The following PDE8A variants were observed in gnomAD, a reference collection of about 807,000 sequenced individuals.
The protein encoded by PDE8A is high affinity cAMP-specific and IBMX-insensitive 3',5'-cyclic phosphodiesterase 8A.
PDE8A carries 59 observed loss-of-function variants against 105.0 expected under a neutral mutation model. The ratio of observed to expected loss-of-function variants is 0.56; its 90% CI spans 0.46 to 0.70. The LOEUF is 0.70. PDE8A is among the 30% of genes least tolerant of loss of function. The probability of loss-of-function intolerance (pLI) is 0.00; values close to 1 mark genes in which losing one functional copy is unlikely to be tolerated. For missense variants in PDE8A, 1,014 were observed against 1,045.9 expected, an observed-to-expected ratio of 0.97 and a Z score of 0.42; for synonymous variants, 355 against 371.9, an observed-to-expected ratio of 0.95 and a Z score of 0.52.
rs908165571 is a variant in PDE8A at position 84,982,156 on chromosome 15, C to A, written c.-7C>A. 6 of 1,351,612 alleles carry A rather than the reference C, an allele frequency of 4.4e-6. No homozygotes were observed. The African/African-American group carries it at 7.6e-5, about 17-fold the overall frequency. The allele number at this position is 1,351,612 out of a possible 1,614,324, so 83.7% of individuals were successfully genotyped here. A position where few individuals can be genotyped will look rare whatever the true frequency, so the allele number is the denominator to read the frequency against. ...CCCGCCAGCGTGTCCGCGGCGCCGC[C>A]GCCAGCATGGGCTGTGCCCCGAGCA... On this transcript the variant is annotated 5_prime_UTR_variant, in exon 1 of 22. Coordinates refer to ENST00000394553, the MANE Select transcript of PDE8A (RefSeq NM_002605.3).
intron 1 of PDE8A, among the ~76,000 whole-genome samples, chr15:85,004,925 A>G (rs2142187781): frequency 6.7e-6 from 1 of 148,330 alleles, no homozygotes; most frequent in East Asian, 2.0e-4. Context: ...AGAATACATT[A>G]TGACATTTTA....
chr15:85,051,701 A>G (rs754158920), intron 1 of PDE8A, among the ~76,000 whole-genome samples: 1 of 152,132 alleles, frequency 6.6e-6, no homozygotes, highest in Non-Finnish European at 1.5e-5. Flanking sequence ...TCCTGCTTAG[A>G]GAACACACAG....
chr15:85,079,477 G>A (rs16974793), intron 5 of PDE8A, among the ~76,000 whole-genome samples: 13,109 of 152,228 alleles, frequency 0.086, 1,573 homozygotes, highest in African/African-American at 0.27. Context: ...GAGGGTAACC[G>A]CTGATAGAAC....
chr15:85,135,950 C>T (rs2082402490), intron 20 of PDE8A, among the ~76,000 whole-genome samples: 2 of 152,086 alleles, frequency 1.3e-5, no homozygotes, highest in African/African-American at 4.8e-5. Context: ...AGCCACTAGG[C>T]CCTTCCTTGT....
intron 1 of PDE8A, among the ~76,000 whole-genome samples, chr15:85,006,281 TAAAAG>T (rs1019747333): frequency 6.6e-6 from 1 of 152,038 alleles, no homozygotes; most frequent in South Asian, 2.1e-4. Context: ...ATAATAATAA[TAAAAG>T]AAAGTATTCT....
chr15:85,133,173 T>C (rs2082353296), intron 20 of PDE8A, among the ~76,000 whole-genome samples: 1 of 152,146 alleles, frequency 6.6e-6, no homozygotes, highest in African/African-American at 2.4e-5. Flanking sequence ...CACAGCTGCT[T>C]TCAGATGTCT....
chr15:85,066,791 T>A (rs191820011), intron 2 of PDE8A, among the ~76,000 whole-genome samples: 1 of 152,032 alleles, frequency 6.6e-6, no homozygotes, highest in East Asian at 1.9e-4. Context: ...ATACAAAAAT[T>A]AGCTGGGCAT....
In PDE8A at chr15:85,126,034, G is replaced by A. The variant is rs1408152589; in HGVS notation, c.2086-173G>A. On this transcript the variant is annotated intron_variant, in intron 19 of 21. Transcript: ENST00000394553. ...TCTCACTGAGCCTCGGTTTTCTCCT[G>A]GGTAAAATGAGAGGCCAAGCTCAAT... Among the ~76,000 whole-genome samples, 3 of 152,190 alleles carry A rather than the reference G, an allele frequency of 2.0e-5. No individual in the cohort carries two copies. The East Asian group carries it at 5.8e-4, about 29-fold the overall frequency.
At chr15:85,058,302 G>A (rs111554766) in intron 1 of PDE8A, among the ~76,000 whole-genome samples, 5 of 151,996 alleles carry the variant, frequency 3.3e-5, no homozygotes, top group Non-Finnish European at 5.9e-5. Flanking sequence ...GCCTAGGCTT[G>A]TCTTGACTCC....
intron 1 of PDE8A, among the ~76,000 whole-genome samples, chr15:85,025,319 C>A (rs1198356961): frequency 6.6e-6 from 1 of 152,076 alleles, no homozygotes; most frequent in African/African-American, 2.4e-5. Context: ...TCTTGAGGTG[C>A]TTGAAGAGCT....
intron 1 of PDE8A, among the ~76,000 whole-genome samples, chr15:85,056,303 C>T (rs1041906496): frequency 9.9e-5 from 15 of 152,040 alleles, no homozygotes; most frequent in Non-Finnish European, 1.3e-4. Context: ...TTGCTCTTCT[C>T]GAGGAGTATC....
chr15:84,994,032 G>A (rs1489215107), intron 1 of PDE8A, among the ~76,000 whole-genome samples: 5 of 152,102 alleles, frequency 3.3e-5, no homozygotes, highest in Admixed American at 2.6e-4. Flanking sequence ...AGATTGAGAC[G>A]CATCTTGATC....
chr15:85,028,903 CA>C (rs1357866922), intron 1 of PDE8A, among the ~76,000 whole-genome samples: 1 of 152,084 alleles, frequency 6.6e-6, no homozygotes, highest in Non-Finnish European at 1.5e-5. Flanking sequence ...CAGCATATTT[CA>C]TTGCATATGT....
chr15:85,047,828 C>T (rs763386821), intron 1 of PDE8A, among the ~76,000 whole-genome samples: 4 of 152,154 alleles, frequency 2.6e-5, no homozygotes, highest in Non-Finnish European at 5.9e-5. Flanking sequence ...TCTTTTCCCT[C>T]AGCTTGTGAC....
intron 8 of PDE8A, among the ~76,000 whole-genome samples, chr15:85,097,080 G>T (rs903873050): frequency 6.6e-6 from 1 of 152,176 alleles, no homozygotes; most frequent in African/African-American, 2.4e-5. Context: ...GGTCCTGAGG[G>T]ACTCTGGAAG....
intron 20 of PDE8A, among the ~76,000 whole-genome samples, chr15:85,128,279 A>T (rs975737562): frequency 3.9e-5 from 6 of 152,148 alleles, no homozygotes; most frequent in African/African-American, 1.4e-4. Context: ...CCAAGGTGGG[A>T]GGATTACTTG....
chr15:85,052,328 G>T (rs1399969572), intron 1 of PDE8A, among the ~76,000 whole-genome samples: 2 of 152,196 alleles, frequency 1.3e-5, no homozygotes, highest in African/African-American at 4.8e-5. Flanking sequence ...AATCCTTTGG[G>T]TATATACCCA....
chr15:85,116,002 G>A lies in PDE8A; in HGVS notation c.1418G>A (p.Ser473Asn). ...LSTKNTQMVS[S>N]NIITPISLDD... is the part of the protein sequence containing the mutation. ...TTTACAGACACTCAAATGGTTTCAA[G>A]CAATATAATCACTCCCATCTCCCTT... Residue 473 changes from serine to asparagine, a missense_variant, in exon 16 of 22, where the codon AGC (serine) becomes AAC (asparagine). Physicochemically the swap from Ser to Asn is conservative, Grantham distance 46. Coordinates refer to ENST00000394553, the MANE Select transcript of PDE8A (RefSeq NM_002605.3). The A allele has an allele frequency of 1.2e-6, 2 of 1,613,472 alleles. No homozygotes were observed. The highest frequency in any genetic ancestry group is 2.2e-5 in the East Asian group (1 of 44,888).
chr15:85,109,070 C>A lies in PDE8A; in HGVS notation c.1054C>A (p.His352Asn), dbSNP rs772937038. Residue 352 changes from histidine to asparagine, a missense_variant, in exon 12 of 22, where the codon CAT (histidine) becomes AAT (asparagine). Transcript: ENST00000394553. ...DTHTDNQTGK[H>N]KDRRKGSLDV... ...TTCTACAGATAATCAGACAGGCAAA[C>A]ATAAAGACAGGAGAAAAGGCTCACT... is the stretch of plus-strand genomic sequence containing the variant. 6.2e-7 allele frequency: 1 copy of A among 1,608,370 alleles called. No individual in the cohort carries two copies. The highest frequency in any genetic ancestry group is 1.1e-5 in the South Asian group (1 of 90,622).
Sources: gnomAD v4.1 joint callset for allele counts (sites outside exome capture counted in the v4.1 genomes callset) on GRCh38, gnomAD v4.1.1 for gene constraint, MANE v1.5 for transcripts, NCBI Gene and HGNC (gene_info 2026-07-23, HGNC 2026-07-21) for gene names.